The following COL11A1 variants were observed in gnomAD, a reference collection of about 807,000 sequenced individuals.
The protein encoded by COL11A1 is collagen alpha-1(XI) chain.
In COL11A1, 74 loss-of-function variants were observed where a neutral mutation model predicts 265.2. The ratio of observed to expected loss-of-function variants is 0.28; its 90% CI spans 0.23 to 0.34. COL11A1 has a LOEUF of 0.34. Ranked by LOEUF, COL11A1 falls within the 10% of genes least tolerant of loss-of-function variation. The probability of loss-of-function intolerance (pLI) is 1.00; values close to 1 mark genes in which losing one functional copy is unlikely to be tolerated. For missense variants in COL11A1, 2,165 were observed against 2,263.6 expected (o/e 0.96, Z 0.88); for synonymous variants, 816 against 727.6 (o/e 1.12, Z -1.96).
At chr1:103,052,757 A>G (rs1007996156) in intron 4 of COL11A1, among the ~76,000 whole-genome samples, 2 of 152,178 alleles carry the variant, frequency 1.3e-5, no homozygotes, top group African/African-American at 4.8e-5. Context: ...TAAAGCATTC[A>G]TTCATGCATT....
chr1:103,008,312 C>A lies in COL11A1; in HGVS notation c.1683+151G>T, dbSNP rs192244899. ...ACCCAAATATCGTAATCAGTTTTCT[C>A]TGAATTTTTTAATTTCAAAATAAAC... On this transcript the variant is annotated intron_variant, in intron 15 of 66. Transcript: ENST00000370096. 2.0e-5 allele frequency: 13 copies of A among 660,820 alleles called. No homozygotes were observed. The East Asian group carries it at 3.3e-4, about 17-fold the overall frequency. 40.9% of individuals were successfully genotyped at this position (660,820 alleles called of 1,614,324 possible).
intron 5 of COL11A1, chr1:103,030,825 C>A: frequency 2.6e-6 from 1 of 377,694 alleles, no homozygotes; most frequent in Non-Finnish European, 5.1e-6. Context: ...CGAAATATCG[C>A]TATTACATAT....
chr1:102,960,314 T>C (rs773134478), intron 41 of COL11A1, among the ~76,000 whole-genome samples: 21 of 152,222 alleles, frequency 1.4e-4, no homozygotes, highest in Non-Finnish European at 2.8e-4. Context: ...CAATATTAGG[T>C]ATTCATAATA....
At chr1:102,960,284 A>G (rs1660769571) in intron 41 of COL11A1, among the ~76,000 whole-genome samples, 2 of 152,158 alleles carry the variant, frequency 1.3e-5, no homozygotes, top group South Asian at 4.1e-4. Context: ...GTATTAAGTA[A>G]TGCTATATAA....
At chr1:102,906,518 C>T (rs958562908) in intron 54 of COL11A1, among the ~76,000 whole-genome samples, 4 of 152,046 alleles carry the variant, frequency 2.6e-5, no homozygotes, top group African/African-American at 9.7e-5. Flanking sequence ...TGCAATCCTC[C>T]CACCTCAGCC....
At chr1:102,977,785 C>T (rs370790852) in intron 35 of COL11A1, among the ~76,000 whole-genome samples, 17 of 152,032 alleles carry the variant, frequency 1.1e-4, no homozygotes, top group South Asian at 4.1e-4. Context: ...AAACATTTAG[C>T]GGAAAATTAA....
chr1:103,053,344 T>C (rs1669981304), intron 4 of COL11A1, among the ~76,000 whole-genome samples: 1 of 152,188 alleles, frequency 6.6e-6, no homozygotes, highest in Non-Finnish European at 1.5e-5. Flanking sequence ...TATGGGACTT[T>C]ATTTGCATAT....
intron 15 of COL11A1, among the ~76,000 whole-genome samples, chr1:103,007,817 G>T (rs112511505): frequency 0.046 from 6,527 of 140,896 alleles, 243 homozygotes; most frequent in African/African-American, 0.1. Context: ...CCAAGATTAT[G>T]CCACTGCACA....
intron 3 of COL11A1, among the ~76,000 whole-genome samples, chr1:103,078,126 C>T (rs1014700026): frequency 6.6e-6 from 1 of 152,032 alleles, no homozygotes; most frequent in Non-Finnish European, 1.5e-5. Flanking sequence ...ATCCAAAGTG[C>T]TTACGACCTC....
chr1:103,055,288 A>G (rs1670156648), intron 4 of COL11A1, among the ~76,000 whole-genome samples: 2 of 152,182 alleles, frequency 1.3e-5, no homozygotes, highest in South Asian at 2.1e-4. Context: ...TTATTTCTCA[A>G]TTAAACAATA....
intron 41 of COL11A1, among the ~76,000 whole-genome samples, chr1:102,960,489 G>T (rs373254810): frequency 0.03 from 2,403 of 79,438 alleles, 68 homozygotes; most frequent in African/African-American, 0.12. Flanking sequence ...TGTGTGTGTG[G>T]GGGGGGGAAT....
At chr1:103,104,376 G>A (rs372090682) in intron 1 of COL11A1, among the ~76,000 whole-genome samples, 216 of 152,030 alleles carry the variant, frequency 1.4e-3, no homozygotes, top group Admixed American at 3.5e-3. Context: ...TGTATTTTAA[G>A]GATAACTTAA....
chr1:102,993,257 T>C (rs1284500121), intron 28 of COL11A1, among the ~76,000 whole-genome samples: 1 of 152,116 alleles, frequency 6.6e-6, no homozygotes, highest in Non-Finnish European at 1.5e-5. Context: ...TGTTAAACCC[T>C]ACCTGACTCA....
intron 30 of COL11A1, among the ~76,000 whole-genome samples, chr1:102,985,827 G>A (rs547101982): frequency 1.4e-4 from 21 of 152,252 alleles, no homozygotes; most frequent in African/African-American, 4.8e-4. Context: ...AGCATTTTAA[G>A]GGAAAGGGTT....
chr1:103,044,355 C>T (rs533491700), intron 4 of COL11A1, among the ~76,000 whole-genome samples: 32 of 152,110 alleles, frequency 2.1e-4, no homozygotes, highest in Non-Finnish European at 3.5e-4. Context: ...AACTACTTCC[C>T]ACACAGCCCT....
At chr1:102,995,257 T>C (rs1664513410) in intron 28 of COL11A1, among the ~76,000 whole-genome samples, 1 of 152,152 alleles carries the variant, frequency 6.6e-6, no homozygotes, top group Non-Finnish European at 1.5e-5. Flanking sequence ...GTCATGTTCT[T>C]CAGCAAAAGC....
chr1:103,022,035 T>A (rs1667133294), intron 8 of COL11A1, among the ~76,000 whole-genome samples: 1 of 150,572 alleles, frequency 6.6e-6, no homozygotes, highest in African/African-American at 2.4e-5. Flanking sequence ...TTTGTATTTT[T>A]AGTAGAGATC....
chr1:102,948,107 C>T (rs1169212822), intron 41 of COL11A1, among the ~76,000 whole-genome samples: 1 of 151,906 alleles, frequency 6.6e-6, no homozygotes, highest in Non-Finnish European at 1.5e-5. Context: ...TACAAATTTA[C>T]ATTATTGACT....
chr1:103,087,623 T>C (rs1252820333), intron 1 of COL11A1, among the ~76,000 whole-genome samples: 3 of 152,212 alleles, frequency 2.0e-5, no homozygotes, highest in Non-Finnish European at 4.4e-5. Flanking sequence ...GAATCCACCA[T>C]GTTCTCTGGC....
Sources: gnomAD v4.1 joint callset for allele counts (sites outside exome capture counted in the v4.1 genomes callset) on GRCh38, gnomAD v4.1.1 for gene constraint, MANE v1.5 for transcripts, NCBI Gene and HGNC (gene_info 2026-07-23, HGNC 2026-07-21) for gene names.